Variants in ROBO2 observed in about 807,000 individuals in gnomAD.
ROBO2 encodes roundabout guidance receptor 2.
A neutral mutation model predicts 160.8 loss-of-function variants in ROBO2; 53 were observed. The observed-to-expected ratio is 0.33, with a 90% CI of 0.26 to 0.41. ROBO2 has a LOEUF of 0.41. Ranked by LOEUF, ROBO2 falls within the 10% of genes least tolerant of loss-of-function variation. ROBO2 has a pLI of 1.00. For synonymous variants in ROBO2, 664 were observed against 611.7 expected, an observed-to-expected ratio of 1.09 and a Z score of -1.26; for missense variants, 1,577 against 1,722.4, an observed-to-expected ratio of 0.92 and a Z score of 1.49.
intron 2 of ROBO2, among the ~76,000 whole-genome samples, chr3:76,919,850 T>C (rs1453922244): frequency 6.6e-6 from 1 of 152,190 alleles, no homozygotes; most frequent in South Asian, 2.1e-4. Flanking sequence ...GTATCATGTG[T>C]AAACTTTTAT....
intron 2 of ROBO2, chr3:76,434,740 G>C: frequency 9.0e-7 from 1 of 1,112,978 alleles, no homozygotes; most frequent in Non-Finnish European, 1.4e-6. Flanking sequence ...ACCAGTTGAG[G>C]CTCAGATGAG....
At position 76,948,874 on chromosome 3, in the gene ROBO2, T is replaced by TTATATA. The variant is rs71104642; in HGVS notation, c.110-149110_110-149105dup. On this transcript the variant is annotated intron_variant, in intron 2 of 26. Transcript: ENST00000487694. The stretch of plus-strand genomic sequence containing the variant: ...TGCCCGCCACCACACCCGGCTAATT[T>TTATATA]TATATATATATATATATATATATAT... Among the ~76,000 whole-genome samples the TTATATA allele has an allele frequency of 2.9e-3, 140 of 48,582 alleles. 2 individuals carry two copies. The highest frequency in any genetic ancestry group is 3.2e-3 in the Non-Finnish European group (96 of 29,686). 31.9% of individuals were successfully genotyped at this position (48,582 alleles called of 152,430 possible). A position where few individuals can be genotyped will look rare whatever the true frequency, so the allele number is the denominator to read the frequency against.
intron 2 of ROBO2, among the ~76,000 whole-genome samples, chr3:75,973,108 A>G (rs1366233361): frequency 6.6e-6 from 1 of 151,736 alleles, no homozygotes; most frequent in African/African-American, 2.4e-5. Context: ...ATCAATTACT[A>G]ATTAGTGGTT....
At chr3:76,967,799 C>A (rs1362099434) in intron 2 of ROBO2, among the ~76,000 whole-genome samples, 1 of 152,106 alleles carries the variant, frequency 6.6e-6, no homozygotes, top group South Asian at 2.1e-4. Flanking sequence ...CCTGCCTCAG[C>A]AACCGAAAGT....
intron 2 of ROBO2, among the ~76,000 whole-genome samples, chr3:77,170,134 G>T (rs1235378413): frequency 2.0e-5 from 3 of 152,068 alleles, no homozygotes; most frequent in African/African-American, 7.2e-5. Context: ...CACTGTAGCT[G>T]ATTCCTGTCT....
chr3:77,431,570 C>A (rs1377311061), intron 2 of ROBO2, among the ~76,000 whole-genome samples: 1 of 152,100 alleles, frequency 6.6e-6, no homozygotes, highest in South Asian at 2.1e-4. Flanking sequence ...ATGACATAGT[C>A]GCTGGACCCT....
intron 6 of ROBO2, among the ~76,000 whole-genome samples, chr3:77,537,440 C>T (rs530945999): frequency 6.6e-6 from 1 of 152,148 alleles, no homozygotes; most frequent in East Asian, 1.9e-4. Context: ...ATATGTGAGA[C>T]CTCTCATGGG....
At chr3:76,406,874 C>G (rs2075215336) in intron 2 of ROBO2, among the ~76,000 whole-genome samples, 1 of 151,802 alleles carries the variant, frequency 6.6e-6, no homozygotes, top group Non-Finnish European at 1.5e-5. Flanking sequence ...TTCTTTGAAA[C>G]CATTTATCAT....
chr3:77,100,915 A>G (rs193242653), intron 2 of ROBO2, among the ~76,000 whole-genome samples: 16 of 152,302 alleles, frequency 1.1e-4, no homozygotes, highest in African/African-American at 3.6e-4. Flanking sequence ...CCCAGGTGGA[A>G]ATTGAAGTGA....
At chr3:76,899,219 C>G (rs1380816787) in intron 2 of ROBO2, among the ~76,000 whole-genome samples, 3 of 151,880 alleles carry the variant, frequency 2.0e-5, no homozygotes, top group Middle Eastern at 3.2e-3. Context: ...GATTTAAAAT[C>G]CTGTTCACAA....
At chr3:77,095,350 AT>A (rs750074680) in intron 1 of ROBO2, among the ~76,000 whole-genome samples, 1 of 151,952 alleles carries the variant, frequency 6.6e-6, no homozygotes, top group East Asian at 1.9e-4. Flanking sequence ...TAGCTTAGCT[AT>A]TTTTTCACTT....
intron 2 of ROBO2, among the ~76,000 whole-genome samples, chr3:76,373,431 A>G (rs1283773118): frequency 6.6e-6 from 1 of 152,004 alleles, no homozygotes; most frequent in East Asian, 1.9e-4. Context: ...AGTCATTTAT[A>G]TGTGCATAAT....
chr3:76,355,127 G>C (rs1357461732), intron 2 of ROBO2, among the ~76,000 whole-genome samples: 1 of 151,248 alleles, frequency 6.6e-6, no homozygotes, highest in Non-Finnish European at 1.5e-5. Flanking sequence ...GGTAAGAAGC[G>C]ACTTAGTTTC....
intron 2 of ROBO2, among the ~76,000 whole-genome samples, chr3:76,966,821 G>A (rs971589479): frequency 5.3e-5 from 8 of 152,136 alleles, no homozygotes; most frequent in Admixed American, 2.6e-4. Flanking sequence ...AATAATATTC[G>A]GTGTGTTTAC....
At chr3:77,619,691 A>G (rs912903855) in intron 22 of ROBO2, among the ~76,000 whole-genome samples, 4 of 152,162 alleles carry the variant, frequency 2.6e-5, no homozygotes, top group African/African-American at 9.6e-5. Context: ...AGGTGACACC[A>G]TGCAACTCCA....
chr3:76,209,933 C>T (rs1385279985), intron 2 of ROBO2, among the ~76,000 whole-genome samples: 1 of 151,812 alleles, frequency 6.6e-6, no homozygotes, highest in African/African-American at 2.4e-5. Flanking sequence ...ATGAATCAAG[C>T]AAAGGATGGA....
At chr3:77,164,728 G>GA (rs2078859571) in intron 2 of ROBO2, among the ~76,000 whole-genome samples, 1 of 81,710 alleles carries the variant, frequency 1.2e-5, no homozygotes, top group African/African-American at 4.3e-5. Context: ...TCAGCCCTCC[G>GA]CCCGGCCAGC....
intron 2 of ROBO2, among the ~76,000 whole-genome samples, chr3:76,252,219 G>T (rs1706048118): frequency 6.6e-6 from 1 of 152,158 alleles, no homozygotes; most frequent in South Asian, 2.1e-4. Context: ...GAATATGAAT[G>T]GTGGTGAGCA....
chr3:75,931,713 T>C (rs1301788192), intron 1 of ROBO2, among the ~76,000 whole-genome samples: 1 of 152,112 alleles, frequency 6.6e-6, no homozygotes, highest in Non-Finnish European at 1.5e-5. Context: ...TGAATTAAGA[T>C]TATATCTGTC....
Sources: gnomAD v4.1 joint callset for allele counts (sites outside exome capture counted in the v4.1 genomes callset) on GRCh38, gnomAD v4.1.1 for gene constraint, MANE v1.5 for transcripts, NCBI Gene and HGNC (gene_info 2026-07-23, HGNC 2026-07-21) for gene names.